The following WBP2NL variants were observed in gnomAD, a reference collection of about 807,000 sequenced individuals.
WBP2NL encodes WBP2 N-terminal like.
In WBP2NL, 27 loss-of-function variants were observed where a neutral mutation model predicts 23.3. The observed-to-expected ratio is 1.16, with a 90% CI of 0.85 to 1.60. WBP2NL has a LOEUF of 1.60. Ranked by LOEUF, WBP2NL falls within the 40% of genes most tolerant of loss-of-function variation. The probability of loss-of-function intolerance (pLI) is 0.00; values close to 1 mark genes in which losing one functional copy is unlikely to be tolerated. For synonymous variants in WBP2NL, 151 were observed against 145.9 expected, an observed-to-expected ratio of 1.03 and a Z score of -0.25; for missense variants, 370 against 389.5, an observed-to-expected ratio of 0.95 and a Z score of 0.42.
chr22:42,017,875 G>A (rs1425654795), intron 1 of WBP2NL, among the ~76,000 whole-genome samples: 4 of 151,820 alleles, frequency 2.6e-5, no homozygotes, highest in Non-Finnish European at 5.9e-5. Context: ...TTGGCCGGGT[G>A]CAGTGGCTCA....
At chr22:42,050,809 C>A (rs879334865) in intron 8 of WBP2NL, among the ~76,000 whole-genome samples, 1 of 152,170 alleles carries the variant, frequency 6.6e-6, no homozygotes, top group African/African-American at 2.4e-5. Context: ...CTATTATACA[C>A]CTATTACAAT....
At chr22:42,018,293 A>G (rs527366654) in intron 1 of WBP2NL, among the ~76,000 whole-genome samples, 3 of 147,614 alleles carry the variant, frequency 2.0e-5, no homozygotes, top group Admixed American at 1.3e-4. Flanking sequence ...AGCCTGGGCA[A>G]CAGAGTGAGA....
At chr22:42,045,223 G>T (rs937216045) in intron 8 of WBP2NL, among the ~76,000 whole-genome samples, 1 of 152,058 alleles carries the variant, frequency 6.6e-6, no homozygotes, top group East Asian at 1.9e-4. Flanking sequence ...CGGATCACGA[G>T]GTCAGGAGAT....
At chr22:42,006,749 A>G (rs1191925752) in intron 1 of WBP2NL, among the ~76,000 whole-genome samples, 1 of 152,146 alleles carries the variant, frequency 6.6e-6, no homozygotes, top group Non-Finnish European at 1.5e-5. Flanking sequence ...AATTCCATGA[A>G]CTGTTCGGAG....
At chr22:42,017,145 T>C (rs913753578) in intron 1 of WBP2NL, among the ~76,000 whole-genome samples, 1 of 152,194 alleles carries the variant, frequency 6.6e-6, no homozygotes, top group African/African-American at 2.4e-5. Context: ...CTCTTTTTTT[T>C]GAAACAGGGT....
chr22:42,048,635 G>A (rs1168758262), intron 8 of WBP2NL, among the ~76,000 whole-genome samples: 3 of 151,102 alleles, frequency 2.0e-5, no homozygotes, highest in South Asian at 2.1e-4. Flanking sequence ...GGGTGCCTGT[G>A]GTCCCAGCTA....
chr22:42,052,062 A>G (rs1032413823), intron 8 of WBP2NL, among the ~76,000 whole-genome samples: 23 of 152,088 alleles, frequency 1.5e-4, no homozygotes, highest in Admixed American at 6.5e-5. Context: ...CATTCTATAA[A>G]CCGGTCAGTC....
intron 1 of WBP2NL, among the ~76,000 whole-genome samples, chr22:42,019,028 C>G (rs1361731716): frequency 6.6e-6 from 1 of 151,872 alleles, no homozygotes; most frequent in East Asian, 1.9e-4. Flanking sequence ...CGAGACCATC[C>G]TGGCTAACAG....
At chr22:42,016,228 G>A (rs1923299045) in intron 1 of WBP2NL, among the ~76,000 whole-genome samples, 2 of 151,956 alleles carry the variant, frequency 1.3e-5, no homozygotes, top group African/African-American at 4.8e-5. Flanking sequence ...TAATCCTCCC[G>A]CCTCAGCCTC....
Position 42,049,695 on chromosome 22 carries a change from C to CAAAAAAAAA in WBP2NL, c.*274-8591_*274-8590insAAAAAAAAA, listed in dbSNP as rs1569455101. Among the ~76,000 whole-genome samples, 9 of 22,850 alleles carry CAAAAAAAAA rather than the reference C, an allele frequency of 3.9e-4. 2 individuals are homozygous for CAAAAAAAAA. Among genetic ancestry groups the CAAAAAAAAA allele is most frequent in the African/African-American group, 1.5e-3 (7 of 4,566 alleles). 15.0% of individuals were successfully genotyped at this position (22,850 alleles called of 152,430 possible). ...ACAGAGCGAGACTCCGTCTCCAAAACAAAACAAAACAAAAAAAAAAAAAAA... is the reference window on the plus strand; with the variant it reads ...ACAGAGCGAGACTCCGTCTCCAAAACAAAAAAAAAAAAACAAAACAAAAAAAAAAAAAAA... On this transcript the variant is annotated intron_variant and NMD_transcript_variant, in intron 8 of 8. Transcript: ENST00000436265.
At chr22:42,056,802 A>G (rs903516571) in intron 8 of WBP2NL, among the ~76,000 whole-genome samples, 6 of 152,170 alleles carry the variant, frequency 3.9e-5, no homozygotes, top group Non-Finnish European at 8.8e-5. Flanking sequence ...TAATCACATC[A>G]TGGAAAATGG....
intron 1 of WBP2NL, among the ~76,000 whole-genome samples, chr22:42,018,915 GAA>G (rs149512857): frequency 0.72 from 102,073 of 141,534 alleles, 36,431 homozygotes; most frequent in East Asian, 0.9. Context: ...GCTTACTCTG[GAA>G]AAAAAAAAAA....
intron 1 of WBP2NL, among the ~76,000 whole-genome samples, chr22:42,012,668 T>A (rs1922928157): frequency 6.6e-6 from 1 of 152,174 alleles, no homozygotes; most frequent in Non-Finnish European, 1.5e-5. Flanking sequence ...AAGGATAGTT[T>A]TGCCACTCAT....
chr22:42,023,554 G>C (rs1175400389), intron 5 of WBP2NL, among the ~76,000 whole-genome samples: 2 of 151,918 alleles, frequency 1.3e-5, no homozygotes, highest in African/African-American at 2.4e-5. Flanking sequence ...CCAGGCTGGA[G>C]TGCAGTGGCG....
chr22:42,029,294 GAAAAAAAAAAAA>G (rs953340569), downstream of WBP2NL, among the ~76,000 whole-genome samples: 1 of 81,994 alleles, frequency 1.2e-5, no homozygotes, highest in Non-Finnish European at 2.3e-5. Flanking sequence ...CTGTGTCTAG[GAAAAAAAAAAAA>G]AAAAAAAAAA....
intron 8 of WBP2NL, among the ~76,000 whole-genome samples, chr22:42,048,151 G>A (rs918977994): frequency 6.6e-6 from 1 of 151,804 alleles, no homozygotes; most frequent in African/African-American, 2.4e-5. Flanking sequence ...GCTGGGTGCG[G>A]TGGCTCACAC....
At chr22:42,052,292 C>CT (rs953548654) in intron 8 of WBP2NL, among the ~76,000 whole-genome samples, 9 of 151,448 alleles carry the variant, frequency 5.9e-5, no homozygotes, top group East Asian at 1.9e-4. Context: ...TTTTTTTCCT[C>CT]TTTTTTTTGA....
At chr22:42,010,450 T>C (rs760056008) in intron 1 of WBP2NL, among the ~76,000 whole-genome samples, 9 of 152,226 alleles carry the variant, frequency 5.9e-5, no homozygotes, top group Non-Finnish European at 1.0e-4. Context: ...GCTTTTCATA[T>C]ATGGCTTTTA....
intron 2 of WBP2NL, 67 bp downstream of exon 2, chr22:42,019,486 C>A: frequency 6.4e-7 from 1 of 1,570,674 alleles, no homozygotes; most frequent in Non-Finnish European, 8.7e-7. Context: ...ATGAAGAAAA[C>A]TTAAACATTG....
Sources: gnomAD v4.1 joint callset for allele counts (sites outside exome capture counted in the v4.1 genomes callset) on GRCh38, gnomAD v4.1.1 for gene constraint, MANE v1.5 for transcripts, NCBI Gene and HGNC (gene_info 2026-07-23, HGNC 2026-07-21) for gene names.